The following STAT3 variants were observed in gnomAD, a reference collection of about 807,000 sequenced individuals.
STAT3 encodes the protein signal transducer and activator of transcription 3.
STAT3 carries 7 observed loss-of-function variants against 114.3 expected under a neutral mutation model. The observed-to-expected ratio is 0.06, with a 90% CI of 0.03 to 0.11. The LOEUF is 0.11. Ranked by LOEUF, STAT3 falls within the 10% of genes least tolerant of loss-of-function variation. The pLI, the probability that STAT3 is intolerant of heterozygous loss-of-function variation, is 1.00. For missense variants in STAT3, 364 were observed against 960.9 expected (o/e 0.38, Z 8.21); for synonymous variants, 331 against 354.5 (o/e 0.93, Z 0.74).
At chr17:42,373,171 A>G (rs2084252695) in intron 1 of STAT3, among the ~76,000 whole-genome samples, 3 of 152,174 alleles carry the variant, frequency 2.0e-5, no homozygotes, top group Middle Eastern at 6.8e-3. Flanking sequence ...TAACATAGTG[A>G]AACCCTGTCT....
intron 1 of STAT3, among the ~76,000 whole-genome samples, chr17:42,371,220 A>G (rs2084108728): frequency 6.6e-6 from 1 of 152,018 alleles, no homozygotes; most frequent in Non-Finnish European, 1.5e-5. Flanking sequence ...AGAAAAGTTT[A>G]AGAGTTATAT....
chr17:42,360,088 T>A (rs965320183), intron 1 of STAT3, among the ~76,000 whole-genome samples: 2 of 151,480 alleles, frequency 1.3e-5, no homozygotes, highest in Non-Finnish European at 2.9e-5. Context: ...AAAAGATTTT[T>A]AAGTGATTTA....
At chr17:42,326,259 G>C in intron 14 of STAT3, 60 bp from the exon 15 acceptor site, 1 of 1,520,944 alleles carries the variant, frequency 6.6e-7, no homozygotes, top group Non-Finnish European at 9.1e-7. Context: ...TGTAATCCCA[G>C]CACTTTGGGA....
chr17:42,315,259 C>A lies in STAT3; in HGVS notation c.*486G>T. Reference sequence around the variant, plus strand: ...AAAAGAAACCTAGGGCTTAGATAGTCCTATCTTCTATTTGGATGTCAGCAA... The same window carrying A: ...AAAAGAAACCTAGGGCTTAGATAGTACTATCTTCTATTTGGATGTCAGCAA... On this transcript the variant is annotated 3_prime_UTR_variant, in exon 24 of 24. Coordinates refer to ENST00000264657, the MANE Select transcript of STAT3 (RefSeq NM_139276.3). 3.3e-6 allele frequency: 1 copy of A among 303,926 alleles called. No individual in the cohort carries two copies. The highest frequency in any genetic ancestry group is 6.2e-6 in the Non-Finnish European group (1 of 160,200). The allele number at this position is 303,926 out of a possible 1,614,324, so 18.8% of individuals were successfully genotyped here.
In STAT3 at chr17:42,385,366, G is replaced by T. The variant is rs942776498; in HGVS notation, c.-24+2913C>A. Among the ~76,000 whole-genome samples the T allele has an allele frequency of 2.0e-5, 3 of 151,816 alleles. No individual in the cohort carries two copies. The South Asian group carries it at 6.2e-4, about 32-fold the overall frequency. On this transcript the variant is annotated intron_variant, in intron 1 of 23. Transcript: ENST00000264657. ...TCTACTAAAAATACAAAAATTAGCC[G>T]GGCGTAGTGGCGGGCACCTGTAATC...
intron 1 of STAT3, among the ~76,000 whole-genome samples, chr17:42,373,476 C>G (rs1355079435): frequency 6.6e-6 from 1 of 150,878 alleles, no homozygotes; most frequent in Non-Finnish European, 1.5e-5. Flanking sequence ...CACTTGAGCC[C>G]GGGAGGTGGA....
intron 21 of STAT3, among the ~76,000 whole-genome samples, chr17:42,319,193 G>A (rs527834002): frequency 6.6e-6 from 1 of 151,828 alleles, no homozygotes; most frequent in Non-Finnish European, 1.5e-5. Context: ...AGGTGAGATC[G>A]CACCACTGCA....
chr17:42,320,099 G>A (rs1015202365), intron 21 of STAT3, among the ~76,000 whole-genome samples: 4 of 152,162 alleles, frequency 2.6e-5, no homozygotes, highest in African/African-American at 9.7e-5. Flanking sequence ...AACGTCCTCT[G>A]CAGAAGGAAC....
chr17:42,324,721 C>T lies in STAT3; in HGVS notation c.1590G>A (p.Glu530=). The change falls in exon 17 of 24, where the codon GAG becomes GAA. Residue 530 remains glutamate (E), a synonymous_variant. Transcript: ENST00000264657. The surrounding 1 kb of genome is among the most constrained non-coding windows in gnomAD (Gnocchi z 4.5). ...LSIEQLTTLA[E]KLLGPGVNYS... The stretch of plus-strand genomic sequence containing the variant: ...GGGTGAAATGCGGACCCAAGAGTTT[C>T]TCTGCCAGTGTAGTCAGCTGCTCGA... 6.2e-7 allele frequency: 1 copy of T among 1,613,788 alleles called. No homozygotes were observed. Among genetic ancestry groups the T allele is most frequent in the Admixed American group, 1.7e-5 (1 of 59,960 alleles).
In STAT3 at chr17:42,323,044, T is replaced by G; in HGVS notation, c.1848A>C (p.Glu616Asp). ...CCACCCAAGTGAAAGTGACGCCTCC[T>G]TCTTTGCTGCTTTCACTGAATCTTA... ...FLLRFSESSKEGGVTFTWVEK... is the reference protein window; with the variant it reads ...FLLRFSESSKDGGVTFTWVEK... Residue 616 changes from glutamate (E) to aspartate (D), a missense_variant, in exon 20 of 24, where the codon GAA becomes GAC. By Grantham distance (45) the Glu-to-Asp change is conservative. This residue lies in a region of STAT3 where 11 missense variants were observed against 85.2 expected (regional missense o/e 0.13). Coordinates refer to ENST00000264657, the MANE Select transcript of STAT3 (RefSeq NM_139276.3). The G allele has an allele frequency of 6.2e-7, 1 of 1,614,202 alleles. No homozygotes were observed. The highest frequency in any genetic ancestry group is 8.5e-7 in the Non-Finnish European group (1 of 1,180,038).
intron 14 of STAT3, among the ~76,000 whole-genome samples, chr17:42,328,635 T>G (rs2081850784): frequency 6.6e-6 from 1 of 152,198 alleles, no homozygotes; most frequent in African/African-American, 2.4e-5. Flanking sequence ...CTTGAACTCC[T>G]GACCTCAAGT....
intron 2 of STAT3, 28 bp downstream of exon 2, chr17:42,348,361 T>C (rs766621246): frequency 6.2e-7 from 1 of 1,613,858 alleles, no homozygotes; most frequent in South Asian, 1.1e-5. Context: ...AACCTAACAA[T>C]TTGGAGAGTC....
At chr17:42,381,500 C>T (rs938733358) in intron 1 of STAT3, among the ~76,000 whole-genome samples, 3 of 151,808 alleles carry the variant, frequency 2.0e-5, no homozygotes, top group South Asian at 2.1e-4. Context: ...CCGAGGCAGG[C>T]GGATCACAAT....
rs180757933 is a variant in STAT3 at position 42,344,189 on chromosome 17, G to A, written c.372+1370C>T. ...TGTAATCCCAGCACTTTGGGAGGCC[G>A]AGGCGGGCGGATCACGAGGTCAAGA... is the stretch of plus-strand genomic sequence containing the variant. On this transcript the variant is annotated intron_variant, in intron 4 of 23. Coordinates refer to ENST00000264657, the MANE Select transcript of STAT3 (RefSeq NM_139276.3). Among the ~76,000 whole-genome samples, 1,010 of 152,238 alleles carry A rather than the reference G, an allele frequency of 6.6e-3. 15 individuals carry two copies. The highest frequency in any genetic ancestry group is 0.023 in the African/African-American group (942 of 41,548).
intron 1 of STAT3, among the ~76,000 whole-genome samples, chr17:42,354,892 T>G (rs1429547034): frequency 6.6e-6 from 1 of 152,038 alleles, no homozygotes; most frequent in Non-Finnish European, 1.5e-5. Context: ...AGGTAATACT[T>G]TAATAGTTAT....
chr17:42,386,336 G>A (rs1041257951), intron 1 of STAT3, among the ~76,000 whole-genome samples: 4 of 151,670 alleles, frequency 2.6e-5, no homozygotes, highest in African/African-American at 4.8e-5. Flanking sequence ...TACAGAAGGA[G>A]GCACAAATTC....
In STAT3 at chr17:42,322,562, A is replaced by AT. The variant is rs869146724; in HGVS notation, c.1889-69dup. 7 of 1,565,628 alleles carry AT rather than the reference A, an allele frequency of 4.5e-6. No individual in the cohort carries two copies. In the African/African-American group the frequency reaches 8.1e-5, roughly 18 times the overall value. The stretch of plus-strand genomic sequence containing the variant: ...TAGGTCATCTCAGAGAAAACTGCCC[A>AT]TTTTTTCTTTCCTCGAAGGGGAAAA... On this transcript the variant is annotated intron_variant, in intron 20 of 23. Coordinates refer to ENST00000264657, the MANE Select transcript of STAT3 (RefSeq NM_139276.3).
At chr17:42,335,231 T>A (rs996352636) in intron 8 of STAT3, among the ~76,000 whole-genome samples, 15 of 152,016 alleles carry the variant, frequency 9.9e-5, no homozygotes, top group Admixed American at 2.6e-4. Context: ...TGAGTGATCC[T>A]CCTACCTCAG....
At chr17:42,382,738 C>T (rs1262010314) in intron 1 of STAT3, among the ~76,000 whole-genome samples, 1 of 152,010 alleles carries the variant, frequency 6.6e-6, no homozygotes, top group Non-Finnish European at 1.5e-5. Flanking sequence ...GCTCCGCCTC[C>T]AGGACTCATG....
Sources: gnomAD v4.1 joint callset for allele counts (sites outside exome capture counted in the v4.1 genomes callset) on GRCh38, gnomAD v4.1.1 for gene constraint, gnomAD v4.1.1 regional missense constraint, Gnocchi (gnomAD v3.1) non-coding constraint, MANE v1.5 for transcripts, NCBI Gene and HGNC (gene_info 2026-07-23, HGNC 2026-07-21) for gene names.